Variants in LRCH1 observed in about 807,000 individuals in gnomAD.
LRCH1 encodes leucine-rich repeat and calponin homology domain-containing protein 1.
LRCH1 carries 23 observed loss-of-function variants against 94.9 expected under a neutral mutation model. That is an observed-to-expected ratio of 0.24 (90% CI 0.17 to 0.34). The LOEUF (loss-of-function observed/expected upper bound fraction) is 0.34, where lower values mean the gene tolerates loss of function less well. Among genes scored for constraint, LRCH1 ranks in the 10% least tolerant of loss-of-function variants. The pLI, the probability that LRCH1 is intolerant of heterozygous loss-of-function variation, is 1.00. For synonymous variants in LRCH1, 364 were observed against 354.9 expected, an observed-to-expected ratio of 1.03 and a Z score of -0.29; for missense variants, 790 against 945.9, an observed-to-expected ratio of 0.84 and a Z score of 2.16.
exon 19 of LRCH1, chr13:46,751,604 ACATT>A (rs1191472429): frequency 6.6e-6 from 1 of 152,244 alleles, no homozygotes; most frequent in Non-Finnish European, 1.5e-5. Context: ...TATGCACAAA[ACATT>A]CACGTTTTAA....
intron 15 of LRCH1, among the ~76,000 whole-genome samples, chr13:46,714,353 A>T (rs1183535660): frequency 6.6e-6 from 1 of 152,226 alleles, no homozygotes; most frequent in Admixed American, 6.5e-5. Context: ...TTTATTTAAT[A>T]ATTTTAAAAT....
At chr13:46,709,490 T>A (rs890038981) in intron 13 of LRCH1, among the ~76,000 whole-genome samples, 1 of 152,204 alleles carries the variant, frequency 6.6e-6, no homozygotes, top group Admixed American at 6.5e-5. Context: ...ATTGTATTAC[T>A]CCTCTGTACT....
At chr13:46,744,964 T>C (rs1418626076), downstream of LRCH1, 1 of 897,464 alleles carries the variant, frequency 1.1e-6, no homozygotes, top group Non-Finnish European at 1.3e-6. Context: ...CACTGTGACT[T>C]TGTTCATTTT....
chr13:46,744,774 C>G lies in LRCH1; in HGVS notation c.*2926C>G. 1.0e-6 allele frequency: 1 copy of G among 985,242 alleles called. No homozygotes were observed. Among genetic ancestry groups the G allele is most frequent in the Middle Eastern group, 5.2e-4 (1 of 1,914 alleles). 61.0% of individuals were successfully genotyped at this position (985,242 alleles called of 1,614,324 possible). ...GATGATATTTTAAAATTTTAAGAAA[C>G]TGAAAGTTGTTTTGGATTAGGTGAA... On this transcript the variant is annotated 3_prime_UTR_variant, in exon 20 of 20. Coordinates refer to ENST00000389797, the MANE Select transcript of LRCH1 (RefSeq NM_001164211.2).
chr13:46,598,924 G>A (rs562580572), intron 1 of LRCH1, among the ~76,000 whole-genome samples: 8 of 152,022 alleles, frequency 5.3e-5, no homozygotes, highest in Non-Finnish European at 7.4e-5. Context: ...TCACATTGTC[G>A]CACAGTCTCC....
rs535437990 is a variant in LRCH1, at chr13:46,721,069, G to T, written c.1760-2152G>T. On this transcript the variant is annotated intron_variant, in intron 16 of 19. Coordinates refer to ENST00000389797, the MANE Select transcript of LRCH1 (RefSeq NM_001164211.2). ...TTATATTTTTAAGATACAAAGGAATGCAAAATTAAAAAATGATGCCAGGAA... is the reference window on the plus strand; with the variant it reads ...TTATATTTTTAAGATACAAAGGAATTCAAAATTAAAAAATGATGCCAGGAA... Among the ~76,000 whole-genome samples the T allele has an allele frequency of 9.9e-5, 15 of 152,226 alleles. 1 individual carries two copies. In the South Asian group the frequency reaches 3.1e-3, roughly 32 times the overall value.
In LRCH1 at chr13:46,742,144, T is replaced by G; in HGVS notation, c.*296T>G. ...AGCAGCAGTGCCACGCAGTTCCTCCTCTCCCTCCCGGTGAGCTGCTGCCCT... is the reference window on the plus strand; with the variant it reads ...AGCAGCAGTGCCACGCAGTTCCTCCGCTCCCTCCCGGTGAGCTGCTGCCCT... On this transcript the variant is annotated 3_prime_UTR_variant, in exon 20 of 20. Transcript: ENST00000389797. The G allele has an allele frequency of 8.2e-7, 1 of 1,213,622 alleles. No homozygotes were observed. Among genetic ancestry groups the G allele is most frequent in the Non-Finnish European group, 1.0e-6 (1 of 968,852 alleles). 75.2% of individuals were successfully genotyped at this position (1,213,622 alleles called of 1,614,324 possible).
chr13:46,726,827 A>G (rs146197161), intron 17 of LRCH1, among the ~76,000 whole-genome samples: 1 of 132,816 alleles, frequency 7.5e-6, no homozygotes, highest in East Asian at 2.4e-4. Flanking sequence ...CGGTAACAAG[A>G]TGGTGGCAGC....
chr13:46,577,823 C>T (rs1156366342), intron 1 of LRCH1, among the ~76,000 whole-genome samples: 10 of 152,148 alleles, frequency 6.6e-5, no homozygotes, highest in East Asian at 1.9e-4. Flanking sequence ...GACCGATTTC[C>T]GGTGGTGGTT....
chr13:46,697,316 T>C (rs1036561236), intron 9 of LRCH1, among the ~76,000 whole-genome samples: 4 of 152,174 alleles, frequency 2.6e-5, no homozygotes, highest in African/African-American at 9.7e-5. Flanking sequence ...TGTATTTCTG[T>C]TTAAAGATAC....
At chr13:46,740,545 G>A (rs150001314) in intron 19 of LRCH1, among the ~76,000 whole-genome samples, 3 of 152,188 alleles carry the variant, frequency 2.0e-5, no homozygotes, top group African/African-American at 7.2e-5. Flanking sequence ...CAAAATAAAG[G>A]ACAAAATTGT....
chr13:46,657,474 T>C (rs1486255737), intron 2 of LRCH1, among the ~76,000 whole-genome samples: 2 of 145,058 alleles, frequency 1.4e-5, no homozygotes, highest in Non-Finnish European at 3.0e-5. Flanking sequence ...TCTTTCTTCT[T>C]TCATTTTTAC....
rs1276869388 is a variant in LRCH1, at chr13:46,743,267, G to A, written c.*1419G>A. 2.5e-5 allele frequency: 25 copies of A among 985,154 alleles called. No homozygotes were observed. Among genetic ancestry groups the A allele is most frequent in the Non-Finnish European group, 2.8e-5 (23 of 829,454 alleles). The allele number at this position is 985,154 out of a possible 1,614,324, so 61.0% of individuals were successfully genotyped here. ...TGAATCCAGGGGACTTGAAAATATG[G>A]AAGACCCACATAGTTAGAAGAATAT... On this transcript the variant is annotated 3_prime_UTR_variant, in exon 20 of 20. Transcript: ENST00000389797.
At chr13:46,592,279 A>G (rs1412350796) in intron 1 of LRCH1, among the ~76,000 whole-genome samples, 1 of 152,218 alleles carries the variant, frequency 6.6e-6, no homozygotes, top group East Asian at 1.9e-4. Context: ...AACAATTTTC[A>G]GGAGACAACA....
chr13:46,617,639 G>A (rs888241451), intron 1 of LRCH1, among the ~76,000 whole-genome samples: 2 of 152,188 alleles, frequency 1.3e-5, no homozygotes, highest in East Asian at 1.9e-4. Flanking sequence ...TTTGGATGTC[G>A]TTGGTCCTTG....
rs35362550 is a variant in LRCH1 at position 46,635,467 on chromosome 13, CTTTTTTTTTT to C, written c.308-14722_308-14713del. ...CTTGAAAGATCCGGTCCCCTCCCAC[CTTTTTTTTTT>C]TTTTTTTTTTTGAGACGGAGTCTCG... On this transcript the variant is annotated intron_variant, in intron 1 of 19. Coordinates refer to ENST00000389797, the MANE Select transcript of LRCH1 (RefSeq NM_001164211.2). Among the ~76,000 whole-genome samples, 11 of 96,628 alleles carry C rather than the reference CTTTTTTTTTT, an allele frequency of 1.1e-4. No homozygotes were observed. The South Asian group carries it at 3.7e-3, about 32-fold the overall frequency. 63.4% of individuals were successfully genotyped at this position (96,628 alleles called of 152,430 possible). A position where few individuals can be genotyped will look rare whatever the true frequency, so the allele number is the denominator to read the frequency against.
At chr13:46,669,591 A>G (rs2051570063) in intron 3 of LRCH1, among the ~76,000 whole-genome samples, 1 of 152,220 alleles carries the variant, frequency 6.6e-6, no homozygotes, top group African/African-American at 2.4e-5. Context: ...TTTAGAAATC[A>G]TTGTCGCAAA....
Position 46,681,861 on chromosome 13 carries a change from G to T in LRCH1, c.685+15G>T. The T allele has an allele frequency of 1.3e-6, 2 of 1,535,086 alleles. No homozygotes were observed. Among genetic ancestry groups the T allele is most frequent in the South Asian group, 1.1e-5 (1 of 88,752 alleles). ...TTTACCACAAGGTAAAAAAGAAAGA[G>T]GGAAAATGAAGAAAATGGGAGACTT... On this transcript the variant is annotated intron_variant, in intron 4 of 19. Transcript: ENST00000389797.
chr13:46,567,021 G>T lies in LRCH1; in HGVS notation c.307+13318G>T, dbSNP rs576309833. ...TTAAAAAATATAGACACACATTTGG[G>T]TTTTCAGCTTTGGTATAAACTTTTC... is the stretch of plus-strand genomic sequence containing the variant. On this transcript the variant is annotated intron_variant, in intron 1 of 19. Transcript: ENST00000389797. 2.0e-5 allele frequency among the ~76,000 whole-genome samples: 3 copies of T among 152,282 alleles called. No individual in the cohort carries two copies. The South Asian group carries it at 6.2e-4, about 32-fold the overall frequency.
Sources: gnomAD v4.1 joint callset for allele counts (sites outside exome capture counted in the v4.1 genomes callset) on GRCh38, gnomAD v4.1.1 for gene constraint, MANE v1.5 for transcripts, NCBI Gene and HGNC (gene_info 2026-07-23, HGNC 2026-07-21) for gene names.